The following DPP10 variants were observed in gnomAD, a reference collection of about 807,000 sequenced individuals.
DPP10 encodes dipeptidyl peptidase like 10, also known as inactive dipeptidyl peptidase 10.
A neutral mutation model predicts 120.9 loss-of-function variants in DPP10; 33 were observed. The observed-to-expected ratio is 0.27, with a 90% CI of 0.21 to 0.37. The LOEUF is 0.37. Ranked by LOEUF, DPP10 falls within the 10% of genes least tolerant of loss-of-function variation. DPP10 has a pLI of 1.00. For missense variants in DPP10, 816 were observed against 942.8 expected (o/e 0.87, Z 1.76); for synonymous variants, 337 against 326.1 (o/e 1.03, Z -0.36).
chr2:114,667,202 T>C (rs922374639), intron 1 of DPP10, among the ~76,000 whole-genome samples: 2 of 152,210 alleles, frequency 1.3e-5, no homozygotes, highest in Admixed American at 1.3e-4. Flanking sequence ...TAAACAAATA[T>C]TATGTACCAG....
chr2:114,967,993 AAAAATC>A (rs1699154091), intron 1 of DPP10, among the ~76,000 whole-genome samples: 1 of 152,080 alleles, frequency 6.6e-6, no homozygotes, highest in Admixed American at 6.6e-5. Flanking sequence ...TATCAAGTGT[AAAAATC>A]TCTGCTCTTA....
intron 1 of DPP10, among the ~76,000 whole-genome samples, chr2:114,653,566 C>T (rs1406421696): frequency 1.3e-5 from 2 of 152,272 alleles, no homozygotes; most frequent in African/African-American, 2.4e-5. Flanking sequence ...TTCCCAGGCC[C>T]TCCTAAAAGT....
At chr2:115,577,450 G>A (rs2081745787) in intron 5 of DPP10, among the ~76,000 whole-genome samples, 1 of 152,154 alleles carries the variant, frequency 6.6e-6, no homozygotes, top group East Asian at 1.9e-4. Flanking sequence ...CTCTCTCAGA[G>A]TAAGCACTTA....
intron 1 of DPP10, among the ~76,000 whole-genome samples, chr2:114,647,037 C>T (rs763339077): frequency 6.6e-6 from 1 of 152,238 alleles, no homozygotes; most frequent in Non-Finnish European, 1.5e-5. Context: ...TCACTTTCTG[C>T]TACACTGCCT....
At chr2:114,749,805 A>T (rs1679031807) in intron 1 of DPP10, among the ~76,000 whole-genome samples, 2 of 152,092 alleles carry the variant, frequency 1.3e-5, no homozygotes, top group Non-Finnish European at 2.9e-5. Context: ...AGTACACTAA[A>T]TGATGCTGCA....
chr2:115,751,037 A>G (rs1387916154), intron 10 of DPP10, among the ~76,000 whole-genome samples: 6 of 152,202 alleles, frequency 3.9e-5, no homozygotes, highest in Admixed American at 3.9e-4. Context: ...GCAACTATAT[A>G]TCAGTTCAAT....
At chr2:114,444,397 T>A (rs77786254) in intron 1 of DPP10, among the ~76,000 whole-genome samples, 8,553 of 152,226 alleles carry the variant, frequency 0.056, 343 homozygotes, top group Non-Finnish European at 0.087. Flanking sequence ...GCTAAGTATG[T>A]CTAGAATGCT....
intron 1 of DPP10, among the ~76,000 whole-genome samples, chr2:114,893,635 T>C (rs775152931): frequency 1.2e-4 from 18 of 152,128 alleles, no homozygotes; most frequent in Admixed American, 2.0e-4. Flanking sequence ...GGGCCAAATA[T>C]GGGGAGCAGT....
intron 1 of DPP10, among the ~76,000 whole-genome samples, chr2:114,597,932 G>A (rs1192359303): frequency 2.0e-5 from 3 of 151,876 alleles, no homozygotes; most frequent in Admixed American, 6.6e-5. Context: ...TTTGTATGCA[G>A]TACAATAATC....
At chr2:114,469,345 AG>A (rs1447291083) in intron 1 of DPP10, among the ~76,000 whole-genome samples, 3 of 152,248 alleles carry the variant, frequency 2.0e-5, no homozygotes, top group Non-Finnish European at 2.9e-5. Context: ...CTCAAACAAA[AG>A]TAATTATCAT....
At chr2:114,599,496 T>C (rs940012711) in intron 1 of DPP10, among the ~76,000 whole-genome samples, 3 of 151,878 alleles carry the variant, frequency 2.0e-5, no homozygotes, top group African/African-American at 7.2e-5. Context: ...TGTTTGTTTC[T>C]GGCTTGTTTG....
At chr2:115,634,273 G>T (rs1377375417) in intron 5 of DPP10, among the ~76,000 whole-genome samples, 1 of 152,186 alleles carries the variant, frequency 6.6e-6, no homozygotes, top group Non-Finnish European at 1.5e-5. Flanking sequence ...ATTTGGAGGA[G>T]AAGAGGCACT....
At chr2:115,331,891 T>G (rs1027386800) in intron 2 of DPP10, among the ~76,000 whole-genome samples, 1 of 152,110 alleles carries the variant, frequency 6.6e-6, no homozygotes, top group African/African-American at 2.4e-5. Context: ...TCTCTTTTTT[T>G]TGTTGTGTCT....
chr2:115,089,059 C>A (rs915358992), intron 1 of DPP10, among the ~76,000 whole-genome samples: 3 of 152,054 alleles, frequency 2.0e-5, no homozygotes, highest in Non-Finnish European at 2.9e-5. Context: ...ATCTTCTGTC[C>A]TAAATTTTTA....
intron 1 of DPP10, among the ~76,000 whole-genome samples, chr2:114,810,103 T>C (rs1685058007): frequency 6.6e-6 from 1 of 152,200 alleles, no homozygotes. Context: ...CACCATTTCC[T>C]CTTCCATATT....
chr2:115,566,039 G>T (rs1482062520), intron 5 of DPP10, among the ~76,000 whole-genome samples: 1 of 151,882 alleles, frequency 6.6e-6, no homozygotes, highest in Admixed American at 6.6e-5. Context: ...AGCCCGCCTC[G>T]GCCTCCCAAA....
intron 5 of DPP10, among the ~76,000 whole-genome samples, chr2:115,536,923 G>A (rs781232131): frequency 1.9e-4 from 29 of 152,152 alleles, no homozygotes; most frequent in Non-Finnish European, 3.5e-4. Flanking sequence ...TAATAGATGA[G>A]TAGAATTAGC....
intron 1 of DPP10, among the ~76,000 whole-genome samples, chr2:115,019,988 C>G (rs760227431): frequency 1.3e-5 from 2 of 152,138 alleles, no homozygotes; most frequent in African/African-American, 4.8e-5. Flanking sequence ...CACTACCTAG[C>G]CCTCACTACA....
chr2:114,792,626 T>C (rs1432688970), intron 1 of DPP10, among the ~76,000 whole-genome samples: 6 of 152,174 alleles, frequency 3.9e-5, no homozygotes, highest in Non-Finnish European at 8.8e-5. Context: ...CAAACAATAT[T>C]GTTTAGGCTG....
Sources: gnomAD v4.1 joint callset for allele counts (sites outside exome capture counted in the v4.1 genomes callset) on GRCh38, gnomAD v4.1.1 for gene constraint, MANE v1.5 for transcripts, NCBI Gene and HGNC (gene_info 2026-07-23, HGNC 2026-07-21) for gene names.